The following PCDHA7 variants were observed in gnomAD, a reference collection of about 807,000 sequenced individuals.
The protein encoded by PCDHA7 is protocadherin alpha 7, also known as protocadherin alpha-7.
PCDHA7 carries 37 observed loss-of-function variants against 57.2 expected under a neutral mutation model. The observed-to-expected ratio is 0.65, with a 90% CI of 0.50 to 0.85. PCDHA7 has a LOEUF of 0.85. Ranked by LOEUF, PCDHA7 falls within the 40% of genes least tolerant of loss-of-function variation. PCDHA7 has a pLI of 0.00. For synonymous variants in PCDHA7, 553 were observed against 558.8 expected (o/e 0.99, Z 0.15); for missense variants, 1,188 against 1,241.8 (o/e 0.96, Z 0.65).
intron 1 of PCDHA7, chr5:140,876,403 G>A (rs1361779592): frequency 1.2e-6 from 2 of 1,613,820 alleles, no homozygotes. Context: ...ACTGGATTTT[G>A]AAGAGAATAA....
At chr5:140,858,157 C>G in intron 1 of PCDHA7, 1 of 1,597,628 alleles carries the variant, frequency 6.3e-7, no homozygotes, top group Non-Finnish European at 8.6e-7. Flanking sequence ...TCGCCATCTG[C>G]GCGGTGTCCA....
chr5:140,916,475 C>T (rs2077583115), intron 1 of PCDHA7, among the ~76,000 whole-genome samples: 1 of 152,206 alleles, frequency 6.6e-6, no homozygotes, highest in South Asian at 2.1e-4. Flanking sequence ...TTATTTGGTG[C>T]CCAAGGGCTC....
Position 140,871,550 on chromosome 5 carries a change from C to A in PCDHA7, c.2355+34812C>A, listed in dbSNP as rs369025500. On this transcript the variant is annotated intron_variant, in intron 1 of 3. Transcript: ENST00000525929. The stretch of plus-strand genomic sequence containing the variant: ...AAGTGTATGTGAAATTATTTAAAAT[C>A]CAGTTTTTTTTCACGGATTTTTTAA... The A allele has an allele frequency of 1.6e-4, 246 of 1,495,268 alleles. 8 individuals are homozygous for A. In the South Asian group the frequency reaches 3.1e-3, roughly 19 times the overall value. The allele number at this position is 1,495,268 out of a possible 1,614,324, so 92.6% of individuals were successfully genotyped here.
intron 2 of PCDHA7, 91 bp downstream of exon 2, chr5:140,979,098 A>C: frequency 1.3e-6 from 2 of 1,547,480 alleles, no homozygotes; most frequent in East Asian, 2.3e-5. Flanking sequence ...AGCAGCTGTC[A>C]AAACTAAAAA....
intron 1 of PCDHA7, among the ~76,000 whole-genome samples, chr5:140,895,667 G>A (rs2153450568): frequency 1.3e-5 from 2 of 152,262 alleles, no homozygotes; most frequent in South Asian, 4.1e-4. Context: ...GTGAGAACAT[G>A]TAGTATTTGG....
intron 1 of PCDHA7, chr5:140,861,390 C>G (rs970688451): frequency 2.0e-5 from 9 of 450,942 alleles, no homozygotes; most frequent in Admixed American, 6.9e-5. Flanking sequence ...GGACCTGGGT[C>G]TGGAGCTTGT....
chr5:140,877,224 G>T, intron 1 of PCDHA7: 1 of 1,613,712 alleles, frequency 6.2e-7, no homozygotes, highest in Non-Finnish European at 8.5e-7. Flanking sequence ...TACCGCGGTC[G>T]GTGGGTGCGG....
intron 1 of PCDHA7, among the ~76,000 whole-genome samples, chr5:140,911,873 A>G (rs980533422): frequency 7.2e-5 from 11 of 152,038 alleles, no homozygotes; most frequent in African/African-American, 2.7e-4. Flanking sequence ...TTCTGGAACC[A>G]CTCCTGGGAC....
chr5:140,849,747 G>A (rs2150448012), intron 1 of PCDHA7: 2 of 1,598,328 alleles, frequency 1.3e-6, no homozygotes, highest in South Asian at 1.1e-5. Flanking sequence ...CCGCGAGAGT[G>A]TGTCCGCCTA....
intron 1 of PCDHA7, chr5:140,967,070 A>C (rs781831975): frequency 6.2e-7 from 1 of 1,613,072 alleles, no homozygotes; most frequent in South Asian, 1.1e-5. Context: ...GCTCTTCGTC[A>C]ACGAGCGCAT....
chr5:140,979,391 T>C (rs1298274291), intron 2 of PCDHA7, among the ~76,000 whole-genome samples: 1 of 152,202 alleles, frequency 6.6e-6, no homozygotes, highest in Non-Finnish European at 1.5e-5. Context: ...AATGTATACA[T>C]ACATGTTGTC....
intron 1 of PCDHA7, among the ~76,000 whole-genome samples, chr5:140,939,679 T>A (rs2092435989): frequency 6.6e-6 from 1 of 152,196 alleles, no homozygotes; most frequent in South Asian, 2.1e-4. Context: ...TGTATGTATG[T>A]GTGTGTTGCT....
At chr5:140,945,955 A>C (rs1174972799) in intron 1 of PCDHA7, among the ~76,000 whole-genome samples, 2 of 152,136 alleles carry the variant, frequency 1.3e-5, no homozygotes, top group African/African-American at 4.8e-5. Context: ...TGACCCTGAA[A>C]GCACAGGCAA....
intron 1 of PCDHA7, chr5:140,837,027 GTATTTACAAAATCAAA>G (rs1484122641): frequency 1.7e-5 from 4 of 237,742 alleles, no homozygotes; most frequent in African/African-American, 9.1e-5. Context: ...CTTCTATAGT[GTATTTACAAAATCAAA>G]TATTTACATT....
At chr5:140,946,452 T>C (rs2093945325) in intron 1 of PCDHA7, among the ~76,000 whole-genome samples, 1 of 151,436 alleles carries the variant, frequency 6.6e-6, no homozygotes. Flanking sequence ...AAAACAACTA[T>C]CCAGCAATCC....
rs566522528 is a variant in PCDHA7, at chr5:140,881,283, A to C, written c.2355+44545A>C. On this transcript the variant is annotated intron_variant, in intron 1 of 3. Coordinates refer to ENST00000525929, the MANE Select transcript of PCDHA7 (RefSeq NM_018910.3). ...TCAGTGATGATGAAGTAAGATGGAG[A>C]GAGAAAATGGAAACTTTAACCTCCT... 1.3e-5 allele frequency: 10 copies of C among 799,388 alleles called. No homozygotes were observed. The African/African-American group carries it at 1.9e-4, about 15-fold the overall frequency. The allele number at this position is 799,388 out of a possible 1,614,324, so 49.5% of individuals were successfully genotyped here.
intron 3 of PCDHA7, among the ~76,000 whole-genome samples, chr5:140,998,480 G>A (rs782244125): frequency 6.6e-6 from 1 of 151,974 alleles, no homozygotes; most frequent in Non-Finnish European, 1.5e-5. Context: ...CCACTGTGCT[G>A]TAACTCTTTG....
chr5:140,883,213 A>G, intron 1 of PCDHA7: 1 of 1,614,090 alleles, frequency 6.2e-7, no homozygotes, highest in South Asian at 1.1e-5. Flanking sequence ...AAAAGAAATT[A>G]TATGAAATAT....
rs1554189151 is a variant in PCDHA7, at chr5:140,900,427, G to GCA, written c.2355+63690_2355+63691insAC. On this transcript the variant is annotated intron_variant, in intron 1 of 3. Transcript: ENST00000525929. ...CAAGTAGCTGGGATTATAGGCACGT[G>GCA]CCACCACGGCCGGCTAATTTTTTAT... 7.9e-5 allele frequency among the ~76,000 whole-genome samples: 12 copies of GCA among 152,230 alleles called. No homozygotes were observed. The East Asian group carries it at 2.3e-3, about 30-fold the overall frequency.
Sources: gnomAD v4.1 joint callset for allele counts (sites outside exome capture counted in the v4.1 genomes callset) on GRCh38, gnomAD v4.1.1 for gene constraint, MANE v1.5 for transcripts, NCBI Gene and HGNC (gene_info 2026-07-23, HGNC 2026-07-21) for gene names.